RORA: variants seen among roughly 807,000 people sequenced by gnomAD.
RORA encodes RAR related orphan receptor A.
Under a neutral mutation model 69.5 loss-of-function variants are expected in RORA, and 7 were observed. That is an observed-to-expected ratio of 0.10 (90% CI 0.06 to 0.19). The LOEUF is 0.19. Ranked by LOEUF, RORA falls within the 10% of genes least tolerant of loss-of-function variation. The probability of loss-of-function intolerance (pLI) is 1.00; values close to 1 mark genes in which losing one functional copy is unlikely to be tolerated. For missense variants in RORA, 457 were observed against 663.0 expected (o/e 0.69, Z 3.41); for synonymous variants, 261 against 240.8 (o/e 1.08, Z -0.78).
At chr15:60,627,257 C>T in intron 2 of RORA, 1 of 1,614,178 alleles carries the variant, frequency 6.2e-7, no homozygotes, top group Non-Finnish European at 8.5e-7. Flanking sequence ...CCTTCACCTG[C>T]AGGTGTGGGT....
chr15:60,810,894 C>T (rs564718343), intron 1 of RORA, among the ~76,000 whole-genome samples: 1 of 152,240 alleles, frequency 6.6e-6, no homozygotes, highest in South Asian at 2.1e-4. Flanking sequence ...GGGGTTCATC[C>T]ACTGTTAGAA....
chr15:60,912,569 A>G (rs548987546), intron 1 of RORA, among the ~76,000 whole-genome samples: 41 of 152,290 alleles, frequency 2.7e-4, no homozygotes, highest in Non-Finnish European at 4.9e-4. Context: ...CTTGGCTAAC[A>G]TGGCGAAACC....
intron 2 of RORA, among the ~76,000 whole-genome samples, chr15:60,612,804 G>T (rs932881800): frequency 2.0e-5 from 3 of 151,878 alleles, no homozygotes; most frequent in Non-Finnish European, 4.4e-5. Context: ...GGGCAGAGCA[G>T]TCTCCTAGTA....
intron 1 of RORA, among the ~76,000 whole-genome samples, chr15:60,999,629 C>T (rs1374922032): frequency 3.3e-5 from 5 of 152,192 alleles, no homozygotes; most frequent in South Asian, 2.1e-4. Flanking sequence ...GCCCCTGCCG[C>T]GGCCTTATCA....
chr15:60,983,792 T>C (rs756795536), intron 1 of RORA, among the ~76,000 whole-genome samples: 25 of 152,222 alleles, frequency 1.6e-4, no homozygotes, highest in Non-Finnish European at 3.2e-4. Flanking sequence ...CTGATTGATG[T>C]CTTATGTCTC....
At chr15:60,722,739 T>A (rs1474384910) in intron 1 of RORA, among the ~76,000 whole-genome samples, 1 of 152,192 alleles carries the variant, frequency 6.6e-6, no homozygotes, top group Non-Finnish European at 1.5e-5. Context: ...CCTGTAGTCA[T>A]CCAAGAAAAA....
chr15:61,072,224 T>C (rs369237788), intron 1 of RORA, among the ~76,000 whole-genome samples: 2 of 152,184 alleles, frequency 1.3e-5, no homozygotes, highest in Non-Finnish European at 2.9e-5. Context: ...ATTTCCTTTT[T>C]TTTTTCTTTT....
At chr15:60,500,399 T>A (rs1268474809) in intron 9 of RORA, among the ~76,000 whole-genome samples, 1 of 152,218 alleles carries the variant, frequency 6.6e-6, no homozygotes, top group Non-Finnish European at 1.5e-5. Context: ...TTTCTTGTAA[T>A]CTTTGTCAAC....
At chr15:61,033,125 T>C (rs1427992939) in intron 1 of RORA, among the ~76,000 whole-genome samples, 1 of 152,184 alleles carries the variant, frequency 6.6e-6, no homozygotes, top group Non-Finnish European at 1.5e-5. Context: ...CACGCTCTCT[T>C]GGCTATACCC....
At chr15:60,501,359 T>C (rs1466690391) in intron 8 of RORA, among the ~76,000 whole-genome samples, 1 of 152,210 alleles carries the variant, frequency 6.6e-6, no homozygotes, top group African/African-American at 2.4e-5. Context: ...GAGATTGAAC[T>C]TTTGTTGTGT....
intron 1 of RORA, among the ~76,000 whole-genome samples, chr15:60,844,996 C>T (rs976547499): frequency 1.1e-4 from 16 of 151,906 alleles, no homozygotes; most frequent in Admixed American, 6.6e-5. Context: ...CCAAACCCAC[C>T]CTTGTTTCAA....
chr15:60,604,184 A>G (rs950832543), intron 2 of RORA, among the ~76,000 whole-genome samples: 2 of 151,712 alleles, frequency 1.3e-5, no homozygotes, highest in African/African-American at 4.8e-5. Context: ...ATGGCATTGA[A>G]TAGACTTTAA....
chr15:61,092,319 G>T (rs4775358), intron 1 of RORA, among the ~76,000 whole-genome samples: 58,138 of 152,074 alleles, frequency 0.38, 11,568 homozygotes, highest in African/African-American at 0.48. Context: ...TCTAATCAAG[G>T]AAACTTCTAG....
rs12148098 is a variant in RORA at position 60,905,358 on chromosome 15, C to A, written c.167-226672G>T. Among the ~76,000 whole-genome samples the A allele has an allele frequency of 6.6e-6, 1 of 152,146 alleles. No homozygotes were observed. Among genetic ancestry groups the A allele is most frequent in the Non-Finnish European group, 1.5e-5 (1 of 68,028 alleles). Reference sequence around the variant, plus strand: ...AAGCATGATGATAAAATATGCAATTCTTAAGAAATGTCAAAGACAGCTCAT... The same window carrying A: ...AAGCATGATGATAAAATATGCAATTATTAAGAAATGTCAAAGACAGCTCAT... On this transcript the variant is annotated intron_variant, in intron 1 of 10. Coordinates refer to ENST00000335670, the MANE Select transcript of RORA (RefSeq NM_134261.3). The surrounding 1 kb of genome is among the most constrained non-coding windows in gnomAD (Gnocchi z 4.8).
At chr15:60,978,961 C>CTTTTTTTTTTT (rs543353825) in intron 1 of RORA, among the ~76,000 whole-genome samples, 13,327 of 94,244 alleles carry the variant, frequency 0.14, 2,177 homozygotes, top group African/African-American at 0.16. Flanking sequence ...CAACTTTGCT[C>CTTTTTTTTTTT]TTTTTTTTTT....
At chr15:60,997,657 T>A (rs540608815) in intron 1 of RORA, among the ~76,000 whole-genome samples, 149 of 152,324 alleles carry the variant, frequency 9.8e-4, no homozygotes, top group Non-Finnish European at 1.7e-3. Flanking sequence ...ATGTATATCT[T>A]CCACATGATA....
At chr15:61,123,420 T>C (rs1043290568) in intron 1 of RORA, among the ~76,000 whole-genome samples, 8 of 152,324 alleles carry the variant, frequency 5.3e-5, no homozygotes, top group African/African-American at 1.9e-4. Context: ...ATGTGTTCCC[T>C]GCCCTGGGCT....
At chr15:60,819,106 C>T (rs1231290342) in intron 1 of RORA, among the ~76,000 whole-genome samples, 2 of 152,220 alleles carry the variant, frequency 1.3e-5, no homozygotes. Flanking sequence ...CCCTCTGGGG[C>T]ATGAGATTAA....
chr15:60,959,860 T>C (rs1289907500), intron 1 of RORA, among the ~76,000 whole-genome samples: 2 of 152,178 alleles, frequency 1.3e-5, no homozygotes, highest in African/African-American at 2.4e-5. Flanking sequence ...GGTAGAGACA[T>C]ATCTGTGAAA....
Sources: gnomAD v4.1 joint callset for allele counts (sites outside exome capture counted in the v4.1 genomes callset) on GRCh38, gnomAD v4.1.1 for gene constraint, Gnocchi (gnomAD v3.1) non-coding constraint, MANE v1.5 for transcripts, NCBI Gene and HGNC (gene_info 2026-07-23, HGNC 2026-07-21) for gene names.